RGS9: variants seen among roughly 807,000 people sequenced by gnomAD.
The protein encoded by RGS9 is regulator of G protein signaling 9.
In RGS9, 78 loss-of-function variants were observed where a neutral mutation model predicts 102.0. The ratio of observed to expected loss-of-function variants is 0.76; its 90% CI spans 0.64 to 0.92. RGS9 has a LOEUF of 0.92. Among genes scored for constraint, RGS9 ranks in the 40% least tolerant of loss-of-function variants. RGS9 has a pLI of 0.00. For synonymous variants in RGS9, 353 were observed against 318.6 expected (o/e 1.11, Z -1.15); for missense variants, 833 against 866.1 (o/e 0.96, Z 0.48).
intron 3 of RGS9, 69 bp from the exon 4 acceptor site, chr17:65,160,164 G>A (rs553913216): frequency 3.1e-5 from 39 of 1,241,882 alleles, no homozygotes; most frequent in South Asian, 1.4e-4. Context: ...TTGGGGTGCC[G>A]TGGGGGCCGG....
At chr17:65,155,273 C>T (rs1910727214) in intron 2 of RGS9, among the ~76,000 whole-genome samples, 1 of 152,226 alleles carries the variant, frequency 6.6e-6, no homozygotes, top group Non-Finnish European at 1.5e-5. Context: ...GTCCCCCTCC[C>T]TGCCTTTGAC....
At chr17:65,222,444 A>G (rs920096944) in intron 17 of RGS9, among the ~76,000 whole-genome samples, 2 of 152,214 alleles carry the variant, frequency 1.3e-5, no homozygotes, top group Non-Finnish European at 2.9e-5. Flanking sequence ...CAGGGGTGGG[A>G]ATCCTACATG....
chr17:65,158,780 G>A lies in RGS9; in HGVS notation c.205+435G>A, dbSNP rs568398939. On this transcript the variant is annotated intron_variant, in intron 3 of 18. Transcript: ENST00000262406. The stretch of plus-strand genomic sequence containing the variant: ...TCATGGCTCCAGATGGCTATGGAGG[G>A]TGGCAGAGGGGTGGAAGAGCACCTG... 24 of 288,124 alleles carry A rather than the reference G, an allele frequency of 8.3e-5. No individual in the cohort carries two copies. The South Asian group carries it at 9.2e-4, about 11-fold the overall frequency. The allele number at this position is 288,124 out of a possible 1,614,324, so 17.8% of individuals were successfully genotyped here.
chr17:65,154,360 C>T (rs1046077190), intron 2 of RGS9, among the ~76,000 whole-genome samples: 2 of 152,112 alleles, frequency 1.3e-5, no homozygotes, highest in African/African-American at 2.4e-5. Context: ...TTGCTGACTC[C>T]TGGACTAAAG....
intron 9 of RGS9, among the ~76,000 whole-genome samples, chr17:65,187,475 C>T (rs1458682124): frequency 1.3e-5 from 2 of 152,150 alleles, no homozygotes; most frequent in African/African-American, 4.8e-5. Flanking sequence ...GATAGAAGAG[C>T]AATCCGGGGA....
intron 17 of RGS9, among the ~76,000 whole-genome samples, chr17:65,224,226 G>C (rs373082035): frequency 1.9e-4 from 29 of 152,346 alleles, no homozygotes; most frequent in African/African-American, 7.0e-4. Flanking sequence ...GGCAACTTTG[G>C]GCTGTAAATG....
At chr17:65,168,849 C>G (rs1267299486) in intron 8 of RGS9, among the ~76,000 whole-genome samples, 2 of 152,138 alleles carry the variant, frequency 1.3e-5, no homozygotes, top group East Asian at 3.9e-4. Context: ...GAGGGACAAG[C>G]TGTACAGAGC....
chr17:65,154,341 A>G (rs1910692266), intron 2 of RGS9, among the ~76,000 whole-genome samples: 1 of 152,182 alleles, frequency 6.6e-6, no homozygotes, highest in Admixed American at 6.5e-5. Flanking sequence ...AGCGCTCTAC[A>G]GAGTACATTT....
chr17:65,216,776 A>G (rs1015663457), intron 17 of RGS9, among the ~76,000 whole-genome samples: 1 of 152,206 alleles, frequency 6.6e-6, no homozygotes, highest in African/African-American at 2.4e-5. Flanking sequence ...ACTGAATAAG[A>G]TCATCAAGTC....
chr17:65,195,800 T>G (rs9901108), intron 12 of RGS9, among the ~76,000 whole-genome samples: 25,575 of 152,250 alleles, frequency 0.17, 4,290 homozygotes, highest in African/African-American at 0.43. Flanking sequence ...TCAGCGTTTT[T>G]TGAAAGCTCT....
At chr17:65,202,825 C>A (rs113371263) in intron 14 of RGS9, among the ~76,000 whole-genome samples, 3,552 of 152,254 alleles carry the variant, frequency 0.023, 67 homozygotes, top group Non-Finnish European at 0.038. Flanking sequence ...CCCCAACACT[C>A]CTCCCCCTAC....
intron 9 of RGS9, chr17:65,185,237 T>G (rs1474619691): frequency 1.3e-5 from 2 of 152,182 alleles, no homozygotes; most frequent in Admixed American, 6.5e-5. Context: ...CAAATTGAAT[T>G]ATCACATGAC....
chr17:65,210,336 AG>A lies in RGS9; in HGVS notation c.1290-150del. The stretch of plus-strand genomic sequence containing the variant: ...CCTCCAAGTGGGGAGAAAGGAGCCA[AG>A]GTTGGACCCCACTGGAGGTTCACTG... On this transcript the variant is annotated intron_variant, in intron 16 of 18. Coordinates refer to ENST00000262406, the MANE Select transcript of RGS9 (RefSeq NM_003835.4). The A allele has an allele frequency of 3.2e-6, 3 of 940,206 alleles. No individual in the cohort carries two copies. In the Admixed American group the frequency reaches 5.2e-5, roughly 16 times the overall value. The allele number at this position is 940,206 out of a possible 1,614,324, so 58.2% of individuals were successfully genotyped here. A position where few individuals can be genotyped will look rare whatever the true frequency, so the allele number is the denominator to read the frequency against.
In RGS9 at chr17:65,153,534, C is replaced by T. The variant is rs1378002301; in HGVS notation, c.154+16C>T. 1 of 1,602,068 alleles carries T rather than the reference C, an allele frequency of 6.2e-7. No homozygotes were observed. Among genetic ancestry groups the T allele is most frequent in the South Asian group, 1.1e-5 (1 of 90,866 alleles). On this transcript the variant is annotated intron_variant, in intron 2 of 18. Coordinates refer to ENST00000262406, the MANE Select transcript of RGS9 (RefSeq NM_003835.4). ...GCCATGACAGGTGATGTAGCTTGCACTTTAGTCTTGGCCTGGAATAGACCC... is the reference window on the plus strand; with the variant it reads ...GCCATGACAGGTGATGTAGCTTGCATTTTAGTCTTGGCCTGGAATAGACCC...
Position 65,214,155 on chromosome 17 carries a change from G to A in RGS9, c.1407+3550G>A, listed in dbSNP as rs538391112. On this transcript the variant is annotated intron_variant, in intron 17 of 18. Transcript: ENST00000262406. ...TTTTTGTATTTTTTGTACAGATTGGGTTTCGCCATGTTGACCAGGCTGGTC... is the reference window on the plus strand; with the variant it reads ...TTTTTGTATTTTTTGTACAGATTGGATTTCGCCATGTTGACCAGGCTGGTC... 4.6e-5 allele frequency among the ~76,000 whole-genome samples: 7 copies of A among 152,238 alleles called. No individual in the cohort carries two copies. The South Asian group carries it at 1.5e-3, about 32-fold the overall frequency.
chr17:65,153,656 C>T (rs997435730), intron 2 of RGS9, 138 bp downstream of exon 2: 6 of 709,420 alleles, frequency 8.5e-6, no homozygotes, highest in Middle Eastern at 2.6e-4. Flanking sequence ...CTTTGGGAGG[C>T]CGAGGCGGGT....
At chr17:65,178,394 A>G (rs1911727685) in intron 9 of RGS9, among the ~76,000 whole-genome samples, 1 of 152,086 alleles carries the variant, frequency 6.6e-6, no homozygotes, top group Admixed American at 6.6e-5. Flanking sequence ...TCCTATGAGT[A>G]TTTATTTATT....
chr17:65,169,508 G>C (rs972067399), intron 8 of RGS9, among the ~76,000 whole-genome samples: 2 of 152,164 alleles, frequency 1.3e-5, no homozygotes, highest in Non-Finnish European at 2.9e-5. Flanking sequence ...TCTGTGGTGA[G>C]GATAAGGAGA....
At chr17:65,221,848 A>G (rs1028404522) in intron 17 of RGS9, among the ~76,000 whole-genome samples, 1 of 152,166 alleles carries the variant, frequency 6.6e-6, no homozygotes, top group Non-Finnish European at 1.5e-5. Flanking sequence ...TCATAAGGAT[A>G]CTGATCCTTT....
Sources: allele counts gnomAD v4.1 joint callset (sites outside exome capture counted in the v4.1 genomes callset), GRCh38; gene constraint gnomAD v4.1.1; transcripts MANE v1.5; gene names NCBI Gene and HGNC (gene_info 2026-07-23, HGNC 2026-07-21).